The following MPRIP variants were observed in gnomAD, a reference collection of about 807,000 sequenced individuals.
MPRIP encodes the protein myosin phosphatase Rho interacting protein, also known as myosin phosphatase Rho-interacting protein.
MPRIP carries 59 observed loss-of-function variants against 234.9 expected under a neutral mutation model. The ratio of observed to expected loss-of-function variants is 0.25; its 90% confidence interval spans 0.20 to 0.31. The LOEUF is 0.31. Ranked by LOEUF, MPRIP falls within the 10% of genes least tolerant of loss-of-function variation. MPRIP has a pLI of 1.00. For synonymous variants in MPRIP, 1,144 were observed against 1,263.9 expected, an observed-to-expected ratio of 0.91 and a Z score of 2.01; for missense variants, 2,436 against 3,071.0, an observed-to-expected ratio of 0.79 and a Z score of 4.89.
Position 17,158,570 on chromosome 17 carries a change from C to T in MPRIP, c.1968C>T (p.Gly656=). 1 of 1,610,360 alleles carries T rather than the reference C, an allele frequency of 6.2e-7. No individual in the cohort carries two copies. The highest frequency in any genetic ancestry group is 1.1e-5 in the South Asian group (1 of 90,792). The part of the protein sequence containing the change: ...RSRARERRRE[G]RSKTFDWAEF... Reference sequence around the variant, plus strand: ...GCGCACGGGAGCGGAGGCGAGAGGGCCGCTCCAAGACCTTTGACTGGGCTG... The same window carrying T: ...GCGCACGGGAGCGGAGGCGAGAGGGTCGCTCCAAGACCTTTGACTGGGCTG... The change falls in exon 14 of 24, where the codon GGC becomes GGT. Residue 656 remains glycine, a synonymous_variant. Transcript: ENST00000651222.
rs367555091 is a variant in MPRIP, at chr17:17,054,179, GGTGAGTGATGACA to G, written c.123+11224_123+11236del. ...TAAGATCATTATCTATACAAGTTTTGGTGAGTGATGACAGTGAGTGATGACAGTCATGGTGGTA... is the reference window on the plus strand; with the variant it reads ...TAAGATCATTATCTATACAAGTTTTGGTGAGTGATGACAGTCATGGTGGTA... On this transcript the variant is annotated intron_variant, in intron 1 of 23. Transcript: ENST00000651222. Among the ~76,000 whole-genome samples, 965 of 152,238 alleles carry G rather than the reference GGTGAGTGATGACA, an allele frequency of 6.3e-3. 4 individuals carry two copies. Among genetic ancestry groups the G allele is most frequent in the African/African-American group, 0.021 (891 of 41,532 alleles).
chr17:17,101,754 C>T (rs574104240), intron 3 of MPRIP, among the ~76,000 whole-genome samples: 23 of 152,310 alleles, frequency 1.5e-4, no homozygotes, highest in African/African-American at 4.3e-4. Context: ...GGAAAAGGCC[C>T]GTAGGGTAGG....
chr17:17,074,875 CTA>C (rs1331960061), intron 1 of MPRIP, among the ~76,000 whole-genome samples: 1 of 152,172 alleles, frequency 6.6e-6, no homozygotes, highest in Non-Finnish European at 1.5e-5. Context: ...CTTTGTTCAT[CTA>C]TTCATCTGTC....
At chr17:17,106,487 C>T (rs991370689) in intron 3 of MPRIP, among the ~76,000 whole-genome samples, 12 of 152,194 alleles carry the variant, frequency 7.9e-5, no homozygotes, top group Non-Finnish European at 1.2e-4. Context: ...AGCCTGCCCT[C>T]CACAGAGCTT....
chr17:17,075,897 A>T (rs1313012870), intron 2 of MPRIP, 110 bp downstream of exon 2: 2 of 1,067,350 alleles, frequency 1.9e-6, no homozygotes, highest in East Asian at 4.8e-5. Flanking sequence ...GGATCCTGGG[A>T]TAGCAGGACC....
chr17:17,098,971 G>A (rs557864929), intron 3 of MPRIP, among the ~76,000 whole-genome samples: 4 of 152,312 alleles, frequency 2.6e-5, no homozygotes, highest in South Asian at 2.1e-4. Flanking sequence ...AAAAGCAGGG[G>A]GTAGTGGGGT....
At position 17,188,154 on chromosome 17, in the gene MPRIP, C is replaced by G. The variant is rs554307951; in HGVS notation, c.*3260C>G. 3 of 152,206 alleles carry G rather than the reference C, an allele frequency of 2.0e-5. No homozygotes were observed. The highest frequency in any genetic ancestry group is 4.4e-5 in the Non-Finnish European group (3 of 68,034). The allele number at this position is 152,206 out of a possible 1,614,324, so 9.4% of individuals were successfully genotyped here. A position where few individuals can be genotyped will look rare whatever the true frequency, so the allele number is the denominator to read the frequency against. On this transcript the variant is annotated 3_prime_UTR_variant, in exon 24 of 24. Transcript: ENST00000651222. ...GTGTGGAGACCAGCATTTCAGAGGA[C>G]GCGCTGTCCACAGCCTCCCGGGTCT...
At chr17:17,064,207 T>TG (rs1430981661) in intron 1 of MPRIP, among the ~76,000 whole-genome samples, 3 of 117,954 alleles carry the variant, frequency 2.5e-5, no homozygotes, top group African/African-American at 9.6e-5. Flanking sequence ...TTTTGTTTTG[T>TG]TTTTTTTTTT....
At chr17:17,131,038 G>A (rs1057223597) in intron 4 of MPRIP, among the ~76,000 whole-genome samples, 29 of 152,160 alleles carry the variant, frequency 1.9e-4, no homozygotes, top group African/African-American at 7.0e-4. Context: ...TGCACCCCTG[G>A]TGTCTATCCA....
intron 1 of MPRIP, among the ~76,000 whole-genome samples, chr17:17,047,518 T>G (rs975834731): frequency 3.3e-5 from 5 of 152,222 alleles, no homozygotes; most frequent in Admixed American, 6.5e-5. Flanking sequence ...GACTTGTTTT[T>G]TAGGAAAATA....
intron 1 of MPRIP, chr17:17,058,020 G>A (rs989688102): frequency 3.0e-6 from 1 of 334,718 alleles, no homozygotes; most frequent in Non-Finnish European, 5.6e-6. Flanking sequence ...CTCCCCAGTG[G>A]TATCCCTTTC....
chr17:17,141,278 G>A (rs141761761), intron 7 of MPRIP, among the ~76,000 whole-genome samples: 228 of 152,292 alleles, frequency 1.5e-3, no homozygotes, highest in Non-Finnish European at 2.5e-3. Context: ...CAAGTGTGGT[G>A]GACGCCTGGC....
chr17:17,110,649 G>A (rs571196256), intron 3 of MPRIP, among the ~76,000 whole-genome samples: 1 of 152,282 alleles, frequency 6.6e-6, no homozygotes, highest in South Asian at 2.1e-4. Context: ...GTGATCAGTC[G>A]TGAAGCCTTG....
intron 1 of MPRIP, among the ~76,000 whole-genome samples, chr17:17,048,967 C>CA (rs1405117931): frequency 6.6e-6 from 1 of 152,200 alleles, no homozygotes; most frequent in African/African-American, 2.4e-5. Context: ...ATAAGCAAAT[C>CA]ATAGTGTATC....
chr17:17,057,613 T>C (rs2088742658), intron 1 of MPRIP: 1 of 718,136 alleles, frequency 1.4e-6, no homozygotes, highest in Non-Finnish European at 2.6e-6. Flanking sequence ...GTTACCAGTT[T>C]TCAACCTTTA....
chr17:17,123,271 T>C (rs1248430025), intron 3 of MPRIP, among the ~76,000 whole-genome samples: 1 of 152,172 alleles, frequency 6.6e-6, no homozygotes, highest in African/African-American at 2.4e-5. Flanking sequence ...CTGCACTTGA[T>C]TGCAGAACAG....
chr17:17,113,885 CTTTT>C (rs1396154528), intron 3 of MPRIP, among the ~76,000 whole-genome samples: 4 of 98,422 alleles, frequency 4.1e-5, no homozygotes, highest in East Asian at 3.2e-4. Context: ...CTTTTCTTTT[CTTTT>C]TTTTTTTTTT....
At chr17:17,137,555 C>T (rs1479637870) in intron 6 of MPRIP, among the ~76,000 whole-genome samples, 1 of 150,702 alleles carries the variant, frequency 6.6e-6, no homozygotes, top group South Asian at 2.1e-4. Context: ...TGGCTGTCAG[C>T]TTCCCCCTTG....
At chr17:17,104,266 G>A (rs751064848) in intron 3 of MPRIP, among the ~76,000 whole-genome samples, 4 of 152,180 alleles carry the variant, frequency 2.6e-5, no homozygotes, top group Non-Finnish European at 4.4e-5. Context: ...TGGTGCCAGC[G>A]CTCCTGATGT....
Sources: allele counts gnomAD v4.1 joint callset (sites outside exome capture counted in the v4.1 genomes callset), GRCh38; gene constraint gnomAD v4.1.1; transcripts MANE v1.5; gene names NCBI Gene and HGNC (gene_info 2026-07-23, HGNC 2026-07-21).